EPB41L4B: variants seen among roughly 807,000 people sequenced by gnomAD.
EPB41L4B encodes the protein band 4.1-like protein 4B.
In EPB41L4B, 30 loss-of-function variants were observed where a neutral mutation model predicts 112.5. That is an observed-to-expected ratio of 0.27 (90% confidence interval 0.20 to 0.36). The LOEUF is 0.36. Ranked by LOEUF, EPB41L4B falls within the 10% of genes least tolerant of loss-of-function variation. The pLI, the probability that EPB41L4B is intolerant of heterozygous loss-of-function variation, is 1.00. For missense variants in EPB41L4B, 1,024 were observed against 1,133.3 expected (o/e 0.90, Z 1.38); for synonymous variants, 408 against 439.7 (o/e 0.93, Z 0.90).
intron 1 of EPB41L4B, among the ~76,000 whole-genome samples, chr9:109,302,751 T>G (rs1837019172): frequency 6.6e-6 from 1 of 152,152 alleles, no homozygotes; most frequent in Non-Finnish European, 1.5e-5. Flanking sequence ...CCCAGTAATG[T>G]GCCTTCTCAC....
chr9:109,313,789 C>T (rs1039369113), intron 1 of EPB41L4B, among the ~76,000 whole-genome samples: 5 of 152,150 alleles, frequency 3.3e-5, no homozygotes, highest in Non-Finnish European at 4.4e-5. Context: ...GAGATACAAG[C>T]TCCAAGTCGA....
intron 13 of EPB41L4B, among the ~76,000 whole-genome samples, chr9:109,249,124 G>T (rs961624642): frequency 6.6e-6 from 1 of 150,446 alleles, no homozygotes; most frequent in African/African-American, 2.4e-5. Flanking sequence ...AATCATTATT[G>T]CCAGGAGGTG....
chr9:109,320,150 C>T lies in EPB41L4B; in HGVS notation c.297G>A (p.Val99=). 6.8e-7 allele frequency: 1 copy of T among 1,470,472 alleles called. No homozygotes were observed. Among genetic ancestry groups the T allele is most frequent in the South Asian group, 1.3e-5 (1 of 75,286 alleles). The allele number at this position is 1,470,472 out of a possible 1,614,324, so 91.1% of individuals were successfully genotyped here. ...TGGCCCCGTCACTCACCGGCAGGTCCACGCTCACTTCGGTCCCGTCGAGCA... is the reference window on the plus strand; with the variant it reads ...TGGCCCCGTCACTCACCGGCAGGTCTACGCTCACTTCGGTCCCGTCGAGCA... The part of the protein sequence containing the change: ...VFLLDGTEVS[V]DLPKHAKGQD... The change falls in exon 1 of 26, where the codon GTG becomes GTA. Residue 99 remains valine, a synonymous_variant. Transcript: ENST00000374566.
intron 3 of EPB41L4B, among the ~76,000 whole-genome samples, chr9:109,267,936 C>T (rs1835465719): frequency 6.6e-6 from 1 of 152,178 alleles, no homozygotes; most frequent in Non-Finnish European, 1.5e-5. Flanking sequence ...CTTTAAAGTA[C>T]TTTTAAGAGA....
chr9:109,301,661 TAAAA>T (rs772752246), intron 1 of EPB41L4B, among the ~76,000 whole-genome samples: 2 of 152,236 alleles, frequency 1.3e-5, no homozygotes, highest in Admixed American at 1.3e-4. Flanking sequence ...GCATATGAAT[TAAAA>T]AAGCCTTCAA....
intron 1 of EPB41L4B, among the ~76,000 whole-genome samples, chr9:109,310,461 C>A (rs1206046971): frequency 2.0e-5 from 3 of 152,104 alleles, no homozygotes; most frequent in Admixed American, 2.0e-4. Context: ...TGTGTTATTT[C>A]TCTAAAACTA....
intron 17 of EPB41L4B, 59 bp from the exon 18 acceptor site, chr9:109,208,108 A>C: frequency 6.2e-7 from 1 of 1,602,684 alleles, no homozygotes; most frequent in Non-Finnish European, 8.5e-7. Context: ...CATGTGCATT[A>C]ACTTTTCCCA....
chr9:109,272,918 T>C (rs1409971397), intron 2 of EPB41L4B, among the ~76,000 whole-genome samples: 9 of 152,070 alleles, frequency 5.9e-5, no homozygotes, highest in African/African-American at 1.9e-4. Flanking sequence ...AGGTGCAGCC[T>C]TGATAAGAGG....
intron 1 of EPB41L4B, among the ~76,000 whole-genome samples, chr9:109,294,512 G>A (rs1836658541): frequency 6.6e-6 from 1 of 151,944 alleles, no homozygotes; most frequent in African/African-American, 2.4e-5. Context: ...TACTCAGGAG[G>A]CTGAGGTAGG....
chr9:109,262,583 T>C (rs191475835), intron 6 of EPB41L4B, among the ~76,000 whole-genome samples: 22 of 152,108 alleles, frequency 1.4e-4, no homozygotes, highest in African/African-American at 4.8e-4. Flanking sequence ...CTTCTCCCCA[T>C]ATAGCCAACG....
chr9:109,315,985 A>G (rs1837619707), intron 1 of EPB41L4B, among the ~76,000 whole-genome samples: 1 of 152,058 alleles, frequency 6.6e-6, no homozygotes, highest in Non-Finnish European at 1.5e-5. Flanking sequence ...TCCAAAGTTC[A>G]AAGTAGAGGA....
At chr9:109,257,032 T>G (rs1835008556) in intron 7 of EPB41L4B, among the ~76,000 whole-genome samples, 1 of 152,176 alleles carries the variant, frequency 6.6e-6, no homozygotes, top group Non-Finnish European at 1.5e-5. Context: ...TATATGTAAA[T>G]GCAAAAGGAA....
At chr9:109,293,698 T>TAAAA (rs58106653) in intron 1 of EPB41L4B, among the ~76,000 whole-genome samples, 1 of 131,690 alleles carries the variant, frequency 7.6e-6, no homozygotes, top group African/African-American at 2.8e-5. Context: ...TACACATTCT[T>TAAAA]AAAAAAAAAA....
chr9:109,284,953 G>A (rs1477182488), intron 1 of EPB41L4B, among the ~76,000 whole-genome samples: 3 of 152,228 alleles, frequency 2.0e-5, no homozygotes, highest in East Asian at 3.9e-4. Flanking sequence ...GCAGGATGTG[G>A]CAGAAAAATT....
At chr9:109,256,584 T>C (rs546917900) in intron 7 of EPB41L4B, 104 bp from the exon 8 acceptor site, 1 of 887,476 alleles carries the variant, frequency 1.1e-6, no homozygotes, top group Non-Finnish European at 1.8e-6. Context: ...ATTAAAGCAA[T>C]GAGGGATGCC....
intron 19 of EPB41L4B, among the ~76,000 whole-genome samples, chr9:109,203,171 T>G (rs752199127): frequency 3.9e-5 from 6 of 152,102 alleles, no homozygotes; most frequent in African/African-American, 1.4e-4. Context: ...AATAATTAAA[T>G]AAATACATTT....
chr9:109,303,843 G>A (rs369002958), intron 1 of EPB41L4B, among the ~76,000 whole-genome samples: 6 of 151,726 alleles, frequency 4.0e-5, no homozygotes, highest in East Asian at 3.9e-4. Flanking sequence ...TGATATGACC[G>A]GATAAGTTTT....
At chr9:109,184,012 G>A (rs745903793) in intron 23 of EPB41L4B, among the ~76,000 whole-genome samples, 6 of 152,198 alleles carry the variant, frequency 3.9e-5, no homozygotes, top group Non-Finnish European at 8.8e-5. Context: ...AATTTCTTTG[G>A]TCTCTTTACA....
intron 24 of EPB41L4B, 124 bp downstream of exon 24, chr9:109,182,605 A>C (rs561607243): frequency 1.4e-6 from 1 of 712,770 alleles, no homozygotes; most frequent in East Asian, 2.5e-5. Context: ...GTTTCTTCCC[A>C]ACCTCACAGA....
Sources: gnomAD v4.1 joint callset for allele counts (sites outside exome capture counted in the v4.1 genomes callset) on GRCh38, gnomAD v4.1.1 for gene constraint, MANE v1.5 for transcripts, NCBI Gene and HGNC (gene_info 2026-07-23, HGNC 2026-07-21) for gene names.